Variants in ANO3 observed in about 807,000 individuals in gnomAD.
The protein encoded by ANO3 is anoctamin-3.
In ANO3, 99 loss-of-function variants were observed where a neutral mutation model predicts 144.8. The ratio of observed to expected loss-of-function variants is 0.68; its 90% CI spans 0.58 to 0.81. ANO3 has a LOEUF of 0.81. ANO3 is among the 30% of genes least tolerant of loss of function. The pLI is 0.00. For missense variants in ANO3, 905 were observed against 1,202.2 expected (o/e 0.75, Z 3.66); for synonymous variants, 414 against 392.6 (o/e 1.05, Z -0.64).
chr11:26,547,243 A>G (rs1458400034), intron 11 of ANO3, among the ~76,000 whole-genome samples, 173 bp from the exon 12 acceptor site: 1 of 151,896 alleles, frequency 6.6e-6, no homozygotes, highest in African/African-American at 2.4e-5. Flanking sequence ...AAACAACATT[A>G]CCATCATTGG....
At chr11:26,489,435 G>A (rs916884682) in intron 4 of ANO3, among the ~76,000 whole-genome samples, 1 of 152,226 alleles carries the variant, frequency 6.6e-6, no homozygotes, top group Non-Finnish European at 1.5e-5. Context: ...GTGCAGAAGG[G>A]AAATGTGGGG....
intron 1 of ANO3, among the ~76,000 whole-genome samples, chr11:26,251,042 T>A (rs1447969428): frequency 6.6e-6 from 1 of 152,156 alleles, no homozygotes; most frequent in Non-Finnish European, 1.5e-5. Context: ...ATCAGCATCA[T>A]CAAAGAGTAT....
chr11:26,435,180 G>T (rs1369781651), intron 1 of ANO3, among the ~76,000 whole-genome samples: 1 of 152,062 alleles, frequency 6.6e-6, no homozygotes, highest in Non-Finnish European at 1.5e-5. Context: ...GCACTTCTTT[G>T]TCTTTTTTGA....
intron 12 of ANO3, among the ~76,000 whole-genome samples, chr11:26,552,918 C>T (rs1849972994): frequency 6.8e-6 from 1 of 147,732 alleles, no homozygotes; most frequent in Non-Finnish European, 1.5e-5. Context: ...GCTAAAACTC[C>T]ATTGGTATAC....
intron 1 of ANO3, among the ~76,000 whole-genome samples, chr11:26,290,774 A>T (rs1261564539): frequency 6.6e-6 from 1 of 152,210 alleles, no homozygotes; most frequent in Admixed American, 6.5e-5. Context: ...GGGCTGAGAC[A>T]CAGTTTGTTA....
At chr11:26,224,421 A>C (rs1357509983) in intron 1 of ANO3, among the ~76,000 whole-genome samples, 1 of 152,246 alleles carries the variant, frequency 6.6e-6, no homozygotes, top group East Asian at 1.9e-4. Context: ...TTTCAAGGAC[A>C]TGAAAATAGT....
intron 4 of ANO3, among the ~76,000 whole-genome samples, chr11:26,491,835 A>T (rs777516162): frequency 4.6e-5 from 7 of 152,218 alleles, no homozygotes; most frequent in Non-Finnish European, 8.8e-5. Context: ...CCTATAATTT[A>T]TAATTTTTTG....
rs1258556353 is a variant in ANO3 at position 26,572,060 on chromosome 11, TTACAA to T, written c.1447+12283_1447+12287del. The T allele has an allele frequency of 6.1e-6, 6 of 985,088 alleles. No individual in the cohort carries two copies. The East Asian group carries it at 5.7e-4, about 93-fold the overall frequency. 61.0% of individuals were successfully genotyped at this position (985,088 alleles called of 1,614,324 possible). A position where few individuals can be genotyped will look rare whatever the true frequency, so the allele number is the denominator to read the frequency against. On this transcript the variant is annotated intron_variant, in intron 14 of 26. Coordinates refer to ENST00000256737, the MANE Select transcript of ANO3 (RefSeq NM_031418.4). ...ACTTACCTTCAGGCTTAGGAGGTAT[TTACAA>T]TCAGGAACTGAAATATCACAGTTGT...
chr11:26,372,788 G>C (rs544411364), intron 1 of ANO3, among the ~76,000 whole-genome samples: 86 of 152,162 alleles, frequency 5.7e-4, no homozygotes, highest in Non-Finnish European at 1.0e-3. Flanking sequence ...CATTAAACAA[G>C]GAAAGGGGTC....
rs550529619 is a variant in ANO3 at position 26,213,850 on chromosome 11, A to G, written c.154+24520A>G. The stretch of plus-strand genomic sequence containing the variant: ...TTGTGTGCAAATTAGTAAAGGTGAG[A>G]TAAAAGTATTTATATACCTGAAGTG... On this transcript the variant is annotated intron_variant, in intron 1 of 27. Transcript: ENST00000672621. 5.9e-5 allele frequency among the ~76,000 whole-genome samples: 9 copies of G among 152,204 alleles called. No individual in the cohort carries two copies. In the South Asian group the frequency reaches 1.4e-3, roughly 24 times the overall value.
intron 1 of ANO3, among the ~76,000 whole-genome samples, chr11:26,273,132 C>T (rs373998364): frequency 6.6e-6 from 1 of 151,980 alleles, no homozygotes; most frequent in Non-Finnish European, 1.5e-5. Context: ...ACAAGAAGGC[C>T]TGGACAATAA....
At chr11:26,602,194 C>A (rs1165188576) in intron 17 of ANO3, among the ~76,000 whole-genome samples, 2 of 152,158 alleles carry the variant, frequency 1.3e-5, no homozygotes, top group Non-Finnish European at 2.9e-5. Context: ...AATGCATGTT[C>A]TTTGCCCTAA....
intron 1 of ANO3, among the ~76,000 whole-genome samples, chr11:26,429,958 C>A (rs1858030840): frequency 6.6e-6 from 1 of 152,080 alleles, no homozygotes; most frequent in South Asian, 2.1e-4. Flanking sequence ...AAAGTACTGG[C>A]CAGGCACGGG....
At chr11:26,438,915 A>C (rs1272067402) in intron 1 of ANO3, among the ~76,000 whole-genome samples, 2 of 152,234 alleles carry the variant, frequency 1.3e-5, no homozygotes, top group Admixed American at 6.5e-5. Context: ...TAAAGAACTC[A>C]GATTTTCTGG....
Position 26,481,835 on chromosome 11 carries a change from C to G in ANO3, c.432+18687C>G, listed in dbSNP as rs1487170178. ...ACATATAAAGAATATTGACCTCCCC[C>G]ATGATCTATTTCATATGTGCTCAAT... On this transcript the variant is annotated intron_variant, in intron 4 of 26. Transcript: ENST00000256737. Among the ~76,000 whole-genome samples the G allele has an allele frequency of 5.3e-5, 8 of 152,240 alleles. No homozygotes were observed. In the South Asian group the frequency reaches 1.5e-3, roughly 28 times the overall value.
intron 1 of ANO3, among the ~76,000 whole-genome samples, chr11:26,335,275 A>G (rs1855163140): frequency 6.6e-6 from 1 of 152,186 alleles, no homozygotes; most frequent in African/African-American, 2.4e-5. Context: ...TTTGTCTGAC[A>G]CACAGTTGGG....
At position 26,574,272 on chromosome 11, in the gene ANO3, G is replaced by A. The variant is rs183264418; in HGVS notation, c.1447+14493G>A. 9.6e-3 allele frequency among the ~76,000 whole-genome samples: 1,464 copies of A among 152,280 alleles called. 9 individuals are homozygous for A. The highest frequency in any genetic ancestry group is 0.014 in the Non-Finnish European group (967 of 68,018). On this transcript the variant is annotated intron_variant, in intron 14 of 26. Transcript: ENST00000256737. ...CTCACAAGTGGAGTTTCCAGAACACGAAGACACATGAATATCACTAATGGA... is the reference window on the plus strand; with the variant it reads ...CTCACAAGTGGAGTTTCCAGAACACAAAGACACATGAATATCACTAATGGA...
chr11:26,524,685 C>T (rs1024673387), intron 6 of ANO3, among the ~76,000 whole-genome samples: 12 of 152,142 alleles, frequency 7.9e-5, no homozygotes, highest in African/African-American at 2.4e-5. Flanking sequence ...TTTAGTTTCT[C>T]TAAGAAATGC....
At chr11:26,353,700 C>G (rs1855705591) in intron 1 of ANO3, among the ~76,000 whole-genome samples, 1 of 152,146 alleles carries the variant, frequency 6.6e-6, no homozygotes, top group Non-Finnish European at 1.5e-5. Context: ...CCCCGAGTAG[C>G]TGGGATTACA....
Sources: gnomAD v4.1 joint callset for allele counts (sites outside exome capture counted in the v4.1 genomes callset) on GRCh38, gnomAD v4.1.1 for gene constraint, MANE v1.5 for transcripts, NCBI Gene and HGNC (gene_info 2026-07-23, HGNC 2026-07-21) for gene names.